RAPGEF5: variants seen among roughly 807,000 people sequenced by gnomAD.
RAPGEF5 encodes the protein Rap guanine nucleotide exchange factor 5.
A neutral mutation model predicts 125.2 loss-of-function variants in RAPGEF5; 65 were observed. The ratio of observed to expected loss-of-function variants is 0.52; its 90% confidence interval spans 0.43 to 0.64. The LOEUF (loss-of-function observed/expected upper bound fraction) is 0.64. Ranked by LOEUF, RAPGEF5 falls within the 30% of genes least tolerant of loss-of-function variation. The pLI is 0.00. For synonymous variants in RAPGEF5, 391 were observed against 385.9 expected (o/e 1.01, Z -0.16); for missense variants, 958 against 1,048.1 (o/e 0.91, Z 1.19).
intron 1 of RAPGEF5, 57 bp downstream of exon 1, chr7:22,356,773 G>A (rs1784428527): frequency 2.0e-6 from 2 of 993,368 alleles, no homozygotes; most frequent in African/African-American, 1.7e-5. Flanking sequence ...CGGGGGGTGG[G>A]CGCGGGCTCC....
At chr7:22,136,293 G>A (rs558906323) in intron 22 of RAPGEF5, among the ~76,000 whole-genome samples, 168 bp from the exon 23 acceptor site, 1 of 152,138 alleles carries the variant, frequency 6.6e-6, no homozygotes, top group South Asian at 2.1e-4. Context: ...CTAAATTAGG[G>A]CAGGAAATCT....
intron 20 of RAPGEF5, among the ~76,000 whole-genome samples, chr7:22,143,533 A>G (rs1434447564): frequency 1.3e-5 from 2 of 152,030 alleles, no homozygotes; most frequent in Non-Finnish European, 2.9e-5. Context: ...TTCTCCCACA[A>G]CTTCCTTACA....
intron 9 of RAPGEF5, among the ~76,000 whole-genome samples, chr7:22,199,111 C>T (rs963064920): frequency 4.6e-5 from 7 of 152,256 alleles, no homozygotes; most frequent in Non-Finnish European, 7.4e-5. Flanking sequence ...CTAGCATAGC[C>T]GGTTTTTAGT....
intron 5 of RAPGEF5, among the ~76,000 whole-genome samples, chr7:22,299,014 C>T (rs1371750573): frequency 3.5e-5 from 5 of 141,216 alleles, no homozygotes; most frequent in East Asian, 4.1e-4. Context: ...TGAGAGATTT[C>T]GTACCTTTTT....
chr7:22,211,959 T>TTC (rs200759889), intron 9 of RAPGEF5, among the ~76,000 whole-genome samples: 14 of 116,628 alleles, frequency 1.2e-4, no homozygotes, highest in African/African-American at 3.7e-4. Flanking sequence ...ATCACATGTG[T>TTC]TCTCTTTTTT....
intron 7 of RAPGEF5, among the ~76,000 whole-genome samples, chr7:22,231,678 C>T (rs943853517): frequency 1.3e-5 from 2 of 151,872 alleles, no homozygotes; most frequent in Non-Finnish European, 2.9e-5. Context: ...ACATTCAACA[C>T]CAAAATGTAT....
chr7:22,291,335 G>A, intron 5 of RAPGEF5, 94 bp from the exon 6 acceptor site: 1 of 1,433,124 alleles, frequency 7.0e-7, no homozygotes, highest in Non-Finnish European at 9.1e-7. Context: ...TAATGTCATT[G>A]TTATTATATT....
At chr7:22,240,045 C>A (rs990306094) in intron 7 of RAPGEF5, among the ~76,000 whole-genome samples, 1 of 151,736 alleles carries the variant, frequency 6.6e-6, no homozygotes, top group Non-Finnish European at 1.5e-5. Context: ...CCCGTCTCTA[C>A]TAAAAATACA....
chr7:22,162,373 G>A (rs752067192), intron 13 of RAPGEF5, 24 bp downstream of exon 13: 29 of 1,537,024 alleles, frequency 1.9e-5, no homozygotes, highest in Middle Eastern at 3.4e-4. Flanking sequence ...TGGCATCAAA[G>A]AATATCTGGA....
chr7:22,142,627 T>C (rs1414055262), intron 20 of RAPGEF5, among the ~76,000 whole-genome samples: 1 of 152,222 alleles, frequency 6.6e-6, no homozygotes, highest in Non-Finnish European at 1.5e-5. Flanking sequence ...GTGCAAATAT[T>C]AGATGCCATT....
chr7:22,290,178 G>C (rs1332187828), intron 6 of RAPGEF5, among the ~76,000 whole-genome samples: 1 of 152,162 alleles, frequency 6.6e-6, no homozygotes, highest in Non-Finnish European at 1.5e-5. Flanking sequence ...ACTCTGTACA[G>C]ACCAGTTTCA....
rs192001845 is a variant in RAPGEF5 at position 22,154,048 on chromosome 7, G to C, written c.1786+407C>G. On this transcript the variant is annotated intron_variant, in intron 17 of 25. Transcript: ENST00000665637. ...ATTGTACAGTTTGTCTTTCAATAGG[G>C]AGTCTTTAACTATTAAATTGTCAGC... 2.8e-3 allele frequency among the ~76,000 whole-genome samples: 428 copies of C among 152,138 alleles called. 2 individuals carry two copies. Among genetic ancestry groups the C allele is most frequent in the African/African-American group, 9.7e-3 (403 of 41,518 alleles).
At chr7:22,202,771 G>C in intron 9 of RAPGEF5, 2 of 173,466 alleles carry the variant, frequency 1.2e-5, no homozygotes, top group Middle Eastern at 1.0e-3. Flanking sequence ...CCAAAGCAAA[G>C]ACAGACCTGG....
In RAPGEF5 at chr7:22,121,563, G is replaced by A. The variant is rs1782584238; in HGVS notation, c.*843C>T. On this transcript the variant is annotated 3_prime_UTR_variant, in exon 26 of 26. Transcript: ENST00000665637. ...CAAGCAGTTGGTGAGTGTTTGCAAT[G>A]TGTCAGGCACTGTGCTTTTTCAAAA... 6.6e-6 allele frequency: 1 copy of A among 152,150 alleles called. No homozygotes were observed. The highest frequency in any genetic ancestry group is 1.5e-5 in the Non-Finnish European group (1 of 67,996). The allele number at this position is 152,150 out of a possible 1,614,324, so 9.4% of individuals were successfully genotyped here.
chr7:22,140,228 T>G, intron 20 of RAPGEF5, 113 bp from the exon 21 acceptor site: 1 of 936,096 alleles, frequency 1.1e-6, no homozygotes, highest in Non-Finnish European at 1.7e-6. Context: ...GGAATTCTGC[T>G]CTACAGCCTA....
At chr7:22,125,911 G>A (rs1287240966) in intron 24 of RAPGEF5, among the ~76,000 whole-genome samples, 3 of 152,178 alleles carry the variant, frequency 2.0e-5, no homozygotes, top group Admixed American at 2.0e-4. Context: ...ACTTTGGGAG[G>A]CTGAGGTGGG....
chr7:22,267,879 G>A (rs534677979), intron 6 of RAPGEF5, among the ~76,000 whole-genome samples: 14 of 150,212 alleles, frequency 9.3e-5, no homozygotes, highest in Admixed American at 7.3e-4. Flanking sequence ...TTTTTTTTTC[G>A]GCGGGTGGGG....
intron 17 of RAPGEF5, among the ~76,000 whole-genome samples, chr7:22,153,981 C>G (rs1036700187): frequency 5.9e-5 from 9 of 152,166 alleles, no homozygotes; most frequent in African/African-American, 2.2e-4. Context: ...CCTCACTCCC[C>G]ACGTCCACCT....
intron 8 of RAPGEF5, among the ~76,000 whole-genome samples, chr7:22,221,681 C>T (rs1424304983): frequency 6.6e-6 from 1 of 152,146 alleles, no homozygotes; most frequent in African/African-American, 2.4e-5. Flanking sequence ...CTCTTGCCTG[C>T]CGCCATGTAA....
Sources: allele counts gnomAD v4.1 joint callset (sites outside exome capture counted in the v4.1 genomes callset), GRCh38; gene constraint gnomAD v4.1.1; transcripts MANE v1.5; gene names NCBI Gene and HGNC (gene_info 2026-07-23, HGNC 2026-07-21).